BORA: variants seen among roughly 807,000 people sequenced by gnomAD.
BORA encodes the protein protein aurora borealis.
BORA carries 26 observed loss-of-function variants against 55.8 expected under a neutral mutation model. The ratio of observed to expected loss-of-function variants is 0.47; its 90% CI spans 0.34 to 0.65. The LOEUF (loss-of-function observed/expected upper bound fraction) is 0.65, where lower values mean the gene tolerates loss of function less well. BORA is among the 30% of genes least tolerant of loss of function. The pLI, the probability that BORA is intolerant of heterozygous loss-of-function variation, is 0.01. For synonymous variants in BORA, 201 were observed against 216.9 expected (o/e 0.93, Z 0.64); for missense variants, 568 against 671.5 (o/e 0.85, Z 1.70).
At chr13:72,743,118 A>G (rs2033070136) in intron 5 of BORA, among the ~76,000 whole-genome samples, 1 of 152,152 alleles carries the variant, frequency 6.6e-6, no homozygotes, top group African/African-American at 2.4e-5. Flanking sequence ...ATAGCTGATA[A>G]TGAGGTATCA....
chr13:72,739,758 G>A (rs1231986914), intron 5 of BORA, among the ~76,000 whole-genome samples: 1 of 152,068 alleles, frequency 6.6e-6, no homozygotes, highest in African/African-American at 2.4e-5. Context: ...CCCATGATTA[G>A]GAGAGACACA....
In BORA at chr13:72,756,076, T is replaced by C; in HGVS notation, c.*860T>C. On this transcript the variant is annotated 3_prime_UTR_variant, in exon 12 of 12. Transcript: ENST00000390667. ...TTTTTTAAAAAACTTATATCCATGT[T>C]GGGAGTAGATGGGTATATAACAGTT... is the stretch of plus-strand genomic sequence containing the variant. 4 of 397,708 alleles carry C rather than the reference T, an allele frequency of 1.0e-5. No homozygotes were observed. Among genetic ancestry groups the C allele is most frequent in the Non-Finnish European group, 1.8e-5 (4 of 225,740 alleles). 24.6% of individuals were successfully genotyped at this position (397,708 alleles called of 1,614,324 possible). A position where few individuals can be genotyped will look rare whatever the true frequency, so the allele number is the denominator to read the frequency against.
At chr13:72,746,102 T>G in intron 9 of BORA, 26 bp downstream of exon 9, 1 of 1,564,950 alleles carries the variant, frequency 6.4e-7, no homozygotes, top group Non-Finnish European at 8.8e-7. Context: ...AAATACCTAG[T>G]TAAAAGTTTT....
intron 8 of BORA, 111 bp from the exon 9 acceptor site, chr13:72,745,833 G>A (rs962775944): frequency 1.9e-5 from 17 of 885,486 alleles, no homozygotes; most frequent in Non-Finnish European, 9.8e-6. Flanking sequence ...TGGTTCTCGT[G>A]AACTATTACT....
intron 4 of BORA, among the ~76,000 whole-genome samples, chr13:72,736,874 T>G (rs573821371): frequency 0.013 from 1,905 of 151,986 alleles, 26 homozygotes; most frequent in Non-Finnish European, 0.021. Flanking sequence ...AAATGACTTT[T>G]TTTTTTTGTA....
chr13:72,755,263 A>G lies in BORA; in HGVS notation c.*47A>G. On this transcript the variant is annotated 3_prime_UTR_variant, in exon 12 of 12. Coordinates refer to ENST00000390667, the MANE Select transcript of BORA (RefSeq NM_024808.5). ...GACTAAGCTTAAGAGTTCCTCGCAT[A>G]TATCGTTGTGCACAGGATCAACATG... The G allele has an allele frequency of 2.0e-6, 3 of 1,492,892 alleles. No individual in the cohort carries two copies. The highest frequency in any genetic ancestry group is 1.4e-5 in the African/African-American group (1 of 72,326). The allele number at this position is 1,492,892 out of a possible 1,614,324, so 92.5% of individuals were successfully genotyped here. A position where few individuals can be genotyped will look rare whatever the true frequency, so the allele number is the denominator to read the frequency against.
Position 72,747,182 on chromosome 13 carries a change from T to C in BORA, c.1482+71T>C, listed in dbSNP as rs920110208. On this transcript the variant is annotated intron_variant, in intron 10 of 11. Transcript: ENST00000390667. ...TTCTTTATCCTTTCTAAGATTATAGTATAAGAAAGATAATGGATTAAACAT... is the reference window on the plus strand; with the variant it reads ...TTCTTTATCCTTTCTAAGATTATAGCATAAGAAAGATAATGGATTAAACAT... 9 of 1,492,012 alleles carry C rather than the reference T, an allele frequency of 6.0e-6. No individual in the cohort carries two copies. In the Admixed American group the frequency reaches 1.2e-4, roughly 20 times the overall value. The allele number at this position is 1,492,012 out of a possible 1,614,324, so 92.4% of individuals were successfully genotyped here. A position where few individuals can be genotyped will look rare whatever the true frequency, so the allele number is the denominator to read the frequency against.
rs2033077581 is a variant in BORA at position 72,743,483 on chromosome 13, T to C, written c.389-54T>C. On this transcript the variant is annotated intron_variant, in intron 5 of 11. Coordinates refer to ENST00000390667, the MANE Select transcript of BORA (RefSeq NM_024808.5). The stretch of plus-strand genomic sequence containing the variant: ...TTTTTTACTTTGGAAAAAGTAATGC[T>C]AAAGCAAATGAAGAGTATAAAACAT... 1.2e-5 allele frequency: 16 copies of C among 1,308,978 alleles called. No homozygotes were observed. The South Asian group carries it at 2.4e-4, about 20-fold the overall frequency. The allele number at this position is 1,308,978 out of a possible 1,614,324, so 81.1% of individuals were successfully genotyped here.
At chr13:72,728,247 C>T (rs2032728269) in intron 1 of BORA, 1 of 706,300 alleles carries the variant, frequency 1.4e-6, no homozygotes, top group Admixed American at 2.0e-5. Flanking sequence ...TCTTTTCCAC[C>T]CCACCCCGCC....
In BORA at chr13:72,753,765, G is replaced by A; in HGVS notation, c.1558G>A (p.Glu520Lys). ...DTVGAESYCK[E>K]SDAQTCEVES... is the part of the protein sequence containing the mutation. ...AGTTGGGGCAGAAAGTTACTGCAAA[G>A]AAAGTGATGCACAAACATGTGAAGT... is the stretch of plus-strand genomic sequence containing the variant. Residue 520 changes from glutamate (E) to lysine (K), a missense_variant, in exon 11 of 12, where the codon GAA (glutamate) becomes AAA (lysine). Glu to Lys is a moderately conservative substitution (Grantham distance 56, BLOSUM62 1). Transcript: ENST00000390667. The A allele has an allele frequency of 6.2e-7, 1 of 1,613,564 alleles. No homozygotes were observed. The highest frequency in any genetic ancestry group is 1.7e-5 in the Admixed American group (1 of 60,010).
At position 72,756,177 on chromosome 13, in the gene BORA, A is replaced by ATAATTCATATGTACCCTTAGGAAG. The variant is rs1279216282; in HGVS notation, c.*964_*965insTTCATATGTACCCTTAGGAAGTAA. ...TAAAAACTGTCTCATTCAAAAGGGAATAAAGACCTGTGTTATCAATGTGTC... is the reference window on the plus strand; with the variant it reads ...TAAAAACTGTCTCATTCAAAAGGGAATAATTCATATGTACCCTTAGGAAGTAAAGACCTGTGTTATCAATGTGTC... On this transcript the variant is annotated 3_prime_UTR_variant, in exon 12 of 12. Transcript: ENST00000390667. 11 of 365,636 alleles carry ATAATTCATATGTACCCTTAGGAAG rather than the reference A, an allele frequency of 3.0e-5. No homozygotes were observed. The highest frequency in any genetic ancestry group is 2.3e-4 in the African/African-American group (11 of 47,874). The allele number at this position is 365,636 out of a possible 1,614,324, so 22.6% of individuals were successfully genotyped here. A position where few individuals can be genotyped will look rare whatever the true frequency, so the allele number is the denominator to read the frequency against.
intron 10 of BORA, among the ~76,000 whole-genome samples, chr13:72,747,856 T>C (rs573681262): frequency 6.6e-6 from 1 of 152,110 alleles, no homozygotes; most frequent in Non-Finnish European, 1.5e-5. Context: ...ATGTATGCAT[T>C]TTTGTGCTTT....
At chr13:72,728,776 A>T (rs2032743601) in intron 1 of BORA, 150 bp from the exon 2 acceptor site, 1 of 586,432 alleles carries the variant, frequency 1.7e-6, no homozygotes, top group Admixed American at 3.8e-5. Context: ...TTTATATGTG[A>T]TACTTTTTTT....
At chr13:72,745,822 G>A in intron 8 of BORA, 122 bp from the exon 9 acceptor site, 2 of 743,672 alleles carry the variant, frequency 2.7e-6, no homozygotes, top group Non-Finnish European at 4.0e-6. Flanking sequence ...GTGTCTTTTG[G>A]TGGTTCTCGT....
chr13:72,738,010 G>A lies in BORA; in HGVS notation c.355G>A (p.Gly119Arg), dbSNP rs750141500. Residue 119 changes from glycine (G) to arginine (R), a missense_variant, in exon 5 of 12, where the codon GGG becomes AGG. By Grantham distance (125) the Gly-to-Arg change is moderately radical (BLOSUM62 -2). Coordinates refer to ENST00000390667, the MANE Select transcript of BORA (RefSeq NM_024808.5). ...IVPSPWTDHE[G>R]KQLSQCHSSK... ...ACCCTCTCCTTGGACTGATCATGAA[G>A]GGAAACAGCTTTCACAATGTCATTC... 1.9e-6 allele frequency: 3 copies of A among 1,599,692 alleles called. No individual in the cohort carries two copies. The Admixed American group carries it at 5.0e-5, about 27-fold the overall frequency.
intron 3 of BORA, 48 bp from the exon 4 acceptor site, chr13:72,734,912 T>C (rs1430765554): frequency 1.5e-6 from 2 of 1,354,952 alleles, no homozygotes; most frequent in African/African-American, 2.9e-5. Flanking sequence ...AAATGTTCAA[T>C]AAGCTTAAGT....
intron 10 of BORA, among the ~76,000 whole-genome samples, chr13:72,748,148 CAT>C (rs1436520429): frequency 6.6e-6 from 1 of 152,082 alleles, no homozygotes; most frequent in Non-Finnish European, 1.5e-5. Flanking sequence ...GAGACCTTTA[CAT>C]GTTTTACTTT....
chr13:72,728,112 G>A, intron 1 of BORA, 105 bp downstream of exon 1: 1 of 1,450,272 alleles, frequency 6.9e-7, no homozygotes, highest in South Asian at 1.2e-5. Context: ...GTGAATGGGA[G>A]CAGTCAGGGA....
intron 9 of BORA, 141 bp from the exon 10 acceptor site, chr13:72,746,360 A>T (rs2033141836): frequency 9.5e-7 from 1 of 1,049,866 alleles, no homozygotes; most frequent in Non-Finnish European, 1.4e-6. Context: ...TGTTTTTGAC[A>T]TCACAATTTC....
Sources: gnomAD v4.1 joint callset for allele counts (sites outside exome capture counted in the v4.1 genomes callset) on GRCh38, gnomAD v4.1.1 for gene constraint, MANE v1.5 for transcripts, NCBI Gene and HGNC (gene_info 2026-07-23, HGNC 2026-07-21) for gene names.